MCU: variants seen among roughly 807,000 people sequenced by gnomAD.
The protein encoded by MCU is calcium uniporter protein, mitochondrial.
A neutral mutation model predicts 45.2 loss-of-function variants in MCU; 12 were observed. The ratio of observed to expected loss-of-function variants is 0.27; its 90% confidence interval spans 0.17 to 0.43. MCU has a LOEUF of 0.43. MCU is among the 20% of genes least tolerant of loss of function. The pLI is 1.00. For synonymous variants in MCU, 160 were observed against 165.1 expected (o/e 0.97, Z 0.24); for missense variants, 324 against 436.7 (o/e 0.74, Z 2.30).
chr10:72,805,963 C>T (rs770173153), intron 1 of MCU, among the ~76,000 whole-genome samples: 57 of 152,166 alleles, frequency 3.7e-4, no homozygotes, highest in Non-Finnish European at 7.4e-4. Flanking sequence ...AATGAGTAGG[C>T]ATTAAAGGGA....
intron 1 of MCU, among the ~76,000 whole-genome samples, chr10:72,697,985 G>C (rs1168846545): frequency 1.3e-5 from 2 of 148,728 alleles, no homozygotes; most frequent in Admixed American, 1.3e-4. Flanking sequence ...TTGCTATGTT[G>C]CCCAAGCTGG....
intron 1 of MCU, among the ~76,000 whole-genome samples, chr10:72,701,362 C>T (rs985988910): frequency 3.3e-5 from 5 of 152,140 alleles, no homozygotes; most frequent in African/African-American, 1.2e-4. Flanking sequence ...AAAGGCAGGA[C>T]GCATGTTTTG....
At chr10:72,739,869 G>T (rs1397558705) in intron 1 of MCU, among the ~76,000 whole-genome samples, 1 of 151,736 alleles carries the variant, frequency 6.6e-6, no homozygotes, top group Non-Finnish European at 1.5e-5. Context: ...TAGAGACAGG[G>T]TTTCACCCTG....
intron 1 of MCU, among the ~76,000 whole-genome samples, chr10:72,781,392 A>G (rs1408240521): frequency 1.3e-5 from 2 of 152,190 alleles, no homozygotes; most frequent in Non-Finnish European, 2.9e-5. Flanking sequence ...TCAGTATCTT[A>G]GATTTATTAT....
At chr10:72,713,724 G>C (rs889434667) in intron 1 of MCU, among the ~76,000 whole-genome samples, 1 of 152,108 alleles carries the variant, frequency 6.6e-6, no homozygotes, top group African/African-American at 2.4e-5. Context: ...AGTTTGTGTG[G>C]CTTGGCAAAT....
rs1426538936 is a variant in MCU at position 72,887,018 on chromosome 10, C to A, written c.*1196C>A. 1 of 152,344 alleles carries A rather than the reference C, an allele frequency of 6.6e-6. No individual in the cohort carries two copies. The highest frequency in any genetic ancestry group is 2.4e-5 in the African/African-American group (1 of 41,456). 9.4% of individuals were successfully genotyped at this position (152,344 alleles called of 1,614,324 possible). The stretch of plus-strand genomic sequence containing the variant: ...GAATTAATCTTATACTTTGTCAAAA[C>A]ATTTTCTACCATATTTCCAGATGAC... On this transcript the variant is annotated 3_prime_UTR_variant, in exon 8 of 8. Coordinates refer to ENST00000373053, the MANE Select transcript of MCU (RefSeq NM_138357.3).
chr10:72,697,293 T>G (rs1312021505), intron 1 of MCU, among the ~76,000 whole-genome samples: 1 of 151,518 alleles, frequency 6.6e-6, no homozygotes, highest in Non-Finnish European at 1.5e-5. Context: ...ATTTTTGTAT[T>G]TTTTGTAGAG....
At chr10:72,724,928 A>T (rs1003523671) in intron 1 of MCU, among the ~76,000 whole-genome samples, 3 of 152,156 alleles carry the variant, frequency 2.0e-5, no homozygotes, top group Admixed American at 2.0e-4. Context: ...GGATGGTTGG[A>T]TTAGCTGGTT....
In MCU at chr10:72,848,729, T is replaced by C. The variant is rs555758010; in HGVS notation, c.221-10448T>C. ...TTGTGTATTGAGATATATGTTTGTG[T>C]ATGTGTGTGTGTGTGTCTGCCTGTG... is the stretch of plus-strand genomic sequence containing the variant. On this transcript the variant is annotated intron_variant, in intron 2 of 7. Coordinates refer to ENST00000373053, the MANE Select transcript of MCU (RefSeq NM_138357.3). 1.3e-4 allele frequency among the ~76,000 whole-genome samples: 13 copies of C among 103,080 alleles called. No homozygotes were observed. The East Asian group carries it at 2.1e-3, about 17-fold the overall frequency. 67.6% of individuals were successfully genotyped at this position (103,080 alleles called of 152,430 possible). A position where few individuals can be genotyped will look rare whatever the true frequency, so the allele number is the denominator to read the frequency against.
intron 1 of MCU, among the ~76,000 whole-genome samples, chr10:72,722,262 G>A (rs930617082): frequency 1.0e-4 from 15 of 143,610 alleles, no homozygotes; most frequent in African/African-American, 4.0e-4. Context: ...ATTGCAGTGA[G>A]CGGAGATTGC....
intron 2 of MCU, among the ~76,000 whole-genome samples, chr10:72,835,334 G>C (rs1376049605): frequency 6.6e-6 from 1 of 152,152 alleles, no homozygotes; most frequent in Non-Finnish European, 1.5e-5. Context: ...CCGGTATTGT[G>C]CATTTACAGT....
chr10:72,778,853 G>GAA (rs200546357), intron 1 of MCU, among the ~76,000 whole-genome samples: 1 of 148,570 alleles, frequency 6.7e-6, no homozygotes, highest in African/African-American at 2.5e-5. Context: ...CTGGAAAACC[G>GAA]AAAAAAAAAA....
chr10:72,723,526 T>C (rs1843052087), intron 1 of MCU, among the ~76,000 whole-genome samples: 1 of 152,220 alleles, frequency 6.6e-6, no homozygotes, highest in Admixed American at 6.5e-5. Flanking sequence ...TCATCTTGCT[T>C]TGATAAAAGA....
chr10:72,794,429 G>T (rs1335864111), intron 1 of MCU, among the ~76,000 whole-genome samples: 1 of 152,184 alleles, frequency 6.6e-6, no homozygotes, highest in Non-Finnish European at 1.5e-5. Flanking sequence ...TGTTTCCTAA[G>T]GCTCTTGGTT....
At chr10:72,868,645 C>A in intron 4 of MCU, 58 bp from the exon 5 acceptor site, 2 of 1,517,014 alleles carry the variant, frequency 1.3e-6, no homozygotes, top group East Asian at 2.3e-5. Flanking sequence ...TCTGATAGTC[C>A]CAGGAATAGC....
intron 1 of MCU, among the ~76,000 whole-genome samples, chr10:72,806,157 T>C (rs1321541803): frequency 6.8e-6 from 1 of 148,014 alleles, no homozygotes; most frequent in East Asian, 1.9e-4. Context: ...AAGAGCTTTT[T>C]TTTTTTTTTT....
At position 72,692,217 on chromosome 10, in the gene MCU, CGCCGGCGGCTGCGGGGCGCTGACT is replaced by C; in HGVS notation, c.73_96del (p.Gly25_Gly32del). Reference sequence around the variant, plus strand: ...CCTCTCGGGGCGGCGGCGGCGGGGGCGCCGGCGGCTGCGGGGCGCTGACTGCCGGCTGCTTCCCTGGGCTGGGCG... The same window carrying C: ...CCTCTCGGGGCGGCGGCGGCGGGGGCGCCGGCTGCTTCCCTGGGCTGGGCG... On this transcript the variant is annotated inframe_deletion, in exon 1 of 8. Coordinates refer to ENST00000373053, the MANE Select transcript of MCU (RefSeq NM_138357.3). 8.0e-7 allele frequency: 1 copy of C among 1,248,828 alleles called. No homozygotes were observed. The highest frequency in any genetic ancestry group is 1.0e-6 in the Non-Finnish European group (1 of 990,636). 77.4% of individuals were successfully genotyped at this position (1,248,828 alleles called of 1,614,324 possible).
intron 6 of MCU, among the ~76,000 whole-genome samples, chr10:72,872,291 T>A (rs1423433570): frequency 6.6e-6 from 1 of 152,168 alleles, no homozygotes; most frequent in Admixed American, 6.5e-5. Flanking sequence ...TCCTTTCTTC[T>A]AGCTGTTTTG....
intron 2 of MCU, among the ~76,000 whole-genome samples, chr10:72,850,499 A>C (rs1457347447): frequency 1.3e-5 from 2 of 152,212 alleles, no homozygotes; most frequent in Non-Finnish European, 2.9e-5. Context: ...CATTGTTTTG[A>C]ACACCAGCCA....
Sources: allele counts gnomAD v4.1 joint callset (sites outside exome capture counted in the v4.1 genomes callset), GRCh38; gene constraint gnomAD v4.1.1; transcripts MANE v1.5; gene names NCBI Gene and HGNC (gene_info 2026-07-23, HGNC 2026-07-21).